ANO3: variants seen among roughly 807,000 people sequenced by gnomAD.
The protein encoded by ANO3 is anoctamin-3.
In ANO3, 99 loss-of-function variants were observed where a neutral mutation model predicts 144.8. The ratio of observed to expected loss-of-function variants is 0.68; its 90% CI spans 0.58 to 0.81. The LOEUF (loss-of-function observed/expected upper bound fraction) is 0.81, where lower values mean the gene tolerates loss of function less well. ANO3 is among the 30% of genes least tolerant of loss of function. ANO3 has a pLI of 0.00. For missense variants in ANO3, 905 were observed against 1,202.2 expected (o/e 0.75, Z 3.66); for synonymous variants, 414 against 392.6 (o/e 1.05, Z -0.64).
intron 14 of ANO3, among the ~76,000 whole-genome samples, chr11:26,571,246 C>G (rs1420623406): frequency 6.6e-6 from 1 of 152,018 alleles, no homozygotes; most frequent in Non-Finnish European, 1.5e-5. Flanking sequence ...TTCCAGCCTT[C>G]TGTATCATAC....
chr11:26,483,469 G>A (rs1471083674), intron 4 of ANO3, among the ~76,000 whole-genome samples: 2 of 152,014 alleles, frequency 1.3e-5, no homozygotes, highest in Non-Finnish European at 2.9e-5. Context: ...ATGAGATCTG[G>A]TTGCAAAAAT....
intron 3 of ANO3, among the ~76,000 whole-genome samples, chr11:26,457,900 G>T (rs1859229587): frequency 6.6e-6 from 1 of 151,480 alleles, no homozygotes; most frequent in Non-Finnish European, 1.5e-5. Flanking sequence ...TCTTTTTTTT[G>T]TGAAAATCTG....
chr11:26,440,559 A>T (rs1175995473), intron 1 of ANO3, among the ~76,000 whole-genome samples: 1 of 152,176 alleles, frequency 6.6e-6, no homozygotes, highest in African/African-American at 2.4e-5. Flanking sequence ...GAGAGGAAAC[A>T]TGAAGAATGA....
At chr11:26,544,562 G>A (rs960383120) in intron 11 of ANO3, among the ~76,000 whole-genome samples, 37 of 141,882 alleles carry the variant, frequency 2.6e-4, no homozygotes, top group Non-Finnish European at 5.1e-4. Flanking sequence ...TGTATTTTAT[G>A]CTTGAAAATT....
chr11:26,480,476 T>G (rs1191867636), intron 4 of ANO3, among the ~76,000 whole-genome samples: 4 of 152,074 alleles, frequency 2.6e-5, no homozygotes, highest in Non-Finnish European at 4.4e-5. Flanking sequence ...TTCATAGTAG[T>G]AGTAAGTTAA....
At chr11:26,315,828 T>C (rs1301363190) in intron 1 of ANO3, among the ~76,000 whole-genome samples, 1 of 152,174 alleles carries the variant, frequency 6.6e-6, no homozygotes. Flanking sequence ...AAGCCAGATT[T>C]GTCTCATGTT....
intron 14 of ANO3, chr11:26,561,123 T>G (rs1433309300): frequency 6.2e-7 from 1 of 1,612,966 alleles, no homozygotes; most frequent in Non-Finnish European, 8.5e-7. Flanking sequence ...ACGTGCATTT[T>G]CTTCACTTTC....
exon 1 of ANO3, chr11:26,189,113 C>A: frequency 4.0e-6 from 3 of 745,576 alleles, no homozygotes; most frequent in Non-Finnish European, 4.9e-6. Context: ...TTTTTCCTAT[C>A]CCTTAATTTT....
chr11:26,554,671 G>A (rs1850033316), intron 13 of ANO3, among the ~76,000 whole-genome samples: 1 of 151,990 alleles, frequency 6.6e-6, no homozygotes, highest in Admixed American at 6.6e-5. Flanking sequence ...GCATAATGAG[G>A]GCTCCCAGTG....
chr11:26,331,956 C>G, upstream of ANO3: 1 of 501,916 alleles, frequency 2.0e-6, no homozygotes, highest in South Asian at 2.4e-5. Context: ...TCTCCTCCTC[C>G]AGTAAAGTCT....
intron 11 of ANO3, 81 bp downstream of exon 11, chr11:26,542,149 T>G: frequency 6.8e-7 from 1 of 1,469,892 alleles, no homozygotes. Context: ...TTTATTGTGC[T>G]CACCAGTGAG....
At chr11:26,322,897 G>T (rs1290756759) in intron 1 of ANO3, among the ~76,000 whole-genome samples, 1 of 151,966 alleles carries the variant, frequency 6.6e-6, no homozygotes, top group Non-Finnish European at 1.5e-5. Flanking sequence ...GAATTGTTCT[G>T]CATGGGACAT....
At chr11:26,236,210 T>C in intron 1 of ANO3, among the ~76,000 whole-genome samples, 1 of 152,248 alleles carries the variant, frequency 6.6e-6, no homozygotes, top group Non-Finnish European at 1.5e-5. Context: ...AATAATTTAA[T>C]AAATAAACTT....
At chr11:26,546,103 A>G (rs1459343559) in intron 11 of ANO3, among the ~76,000 whole-genome samples, 1 of 151,902 alleles carries the variant, frequency 6.6e-6, no homozygotes, top group African/African-American at 2.4e-5. Flanking sequence ...AAGGTCCTCT[A>G]CTGTGTTAGT....
At chr11:26,369,830 A>G (rs1856199242) in intron 1 of ANO3, among the ~76,000 whole-genome samples, 2 of 152,148 alleles carry the variant, frequency 1.3e-5, no homozygotes, top group Non-Finnish European at 2.9e-5. Context: ...GTAACACTGA[A>G]TCATCATGTG....
intron 17 of ANO3, among the ~76,000 whole-genome samples, chr11:26,614,927 T>C (rs1046105352): frequency 2.0e-5 from 3 of 152,130 alleles, no homozygotes; most frequent in African/African-American, 7.2e-5. Context: ...TTGGTTCCTT[T>C]TTGTTGGGGA....
intron 5 of ANO3, chr11:26,508,641 C>A (rs981181785): frequency 5.1e-6 from 1 of 195,340 alleles, no homozygotes; most frequent in Non-Finnish European, 1.0e-5. Context: ...CTTCCCAAAT[C>A]TTTTTCTTTT....
At chr11:26,589,803 T>C (rs1043601081) in intron 14 of ANO3, among the ~76,000 whole-genome samples, 4 of 152,244 alleles carry the variant, frequency 2.6e-5, no homozygotes, top group African/African-American at 4.8e-5. Flanking sequence ...TAAACATCCG[T>C]GCATCATTCC....
intron 1 of ANO3, among the ~76,000 whole-genome samples, chr11:26,282,356 T>C (rs1590232432): frequency 6.6e-6 from 1 of 152,080 alleles, no homozygotes; most frequent in South Asian, 2.1e-4. Flanking sequence ...TCTGAATTTA[T>C]CTCTTATTGT....
Sources: allele counts gnomAD v4.1 joint callset (sites outside exome capture counted in the v4.1 genomes callset), GRCh38; gene constraint gnomAD v4.1.1; transcripts MANE v1.5; gene names NCBI Gene and HGNC (gene_info 2026-07-23, HGNC 2026-07-21).